KLF7: variants seen among roughly 807,000 people sequenced by gnomAD.
The protein encoded by KLF7 is KLF transcription factor 7.
KLF7 carries 2 observed loss-of-function variants against 27.3 expected under a neutral mutation model. The ratio of observed to expected loss-of-function variants is 0.07; its 90% confidence interval spans 0.03 to 0.23. KLF7 has a LOEUF of 0.23. Ranked by LOEUF, KLF7 falls within the 10% of genes least tolerant of loss-of-function variation. The probability of loss-of-function intolerance (pLI) is 1.00; values close to 1 mark genes in which losing one functional copy is unlikely to be tolerated. For missense variants in KLF7, 221 were observed against 394.1 expected (o/e 0.56, Z 3.72); for synonymous variants, 165 against 162.4 (o/e 1.02, Z -0.12).
rs190918279 is a variant in KLF7, at chr2:207,153,658, A to G, written c.102+11809T>C. Among the ~76,000 whole-genome samples, 356 of 151,392 alleles carry G rather than the reference A, an allele frequency of 2.4e-3. 5 individuals carry two copies. The East Asian group carries it at 0.026, about 11-fold the overall frequency. ...TTTTTCTTAAGTGTAATTCCAGGGG[A>G]AAAAAAAACCTCAGTGAGATATATC... On this transcript the variant is annotated intron_variant, in intron 1 of 3. Transcript: ENST00000309446.
At chr2:207,157,280 G>A (rs138504026) in intron 1 of KLF7, among the ~76,000 whole-genome samples, 25 of 150,838 alleles carry the variant, frequency 1.7e-4, no homozygotes, top group Non-Finnish European at 3.1e-4. Flanking sequence ...AAAGCATCAC[G>A]GGGAAGTAAA....
chr2:207,111,782 A>G (rs1169693623), intron 2 of KLF7, among the ~76,000 whole-genome samples: 1 of 152,170 alleles, frequency 6.6e-6, no homozygotes, highest in East Asian at 1.9e-4. Context: ...AAGCCTCGGA[A>G]GTATGCACTG....
chr2:207,122,460 T>A (rs1487352045), intron 2 of KLF7, among the ~76,000 whole-genome samples: 1 of 152,136 alleles, frequency 6.6e-6, no homozygotes, highest in African/African-American at 2.4e-5. Context: ...ATATTCGAAC[T>A]TCAGGAAAGT....
At chr2:207,125,596 G>A (rs745343453) in intron 1 of KLF7, among the ~76,000 whole-genome samples, 8 of 152,116 alleles carry the variant, frequency 5.3e-5, no homozygotes, top group Non-Finnish European at 8.8e-5. Flanking sequence ...ATCTGTCAAG[G>A]ATTTTATTTT....
chr2:207,102,673 C>G (rs2076794708), intron 2 of KLF7, among the ~76,000 whole-genome samples: 1 of 152,138 alleles, frequency 6.6e-6, no homozygotes, highest in African/African-American at 2.4e-5. Context: ...CTCAAGTTTT[C>G]TGTTAAAATG....
rs1386318504 is a variant in KLF7 at position 207,074,430 on chromosome 2, ACTTTT to A, written c.*6778_*6782del. 3 of 151,848 alleles carry A rather than the reference ACTTTT, an allele frequency of 2.0e-5. No homozygotes were observed. The highest frequency in any genetic ancestry group is 1.3e-4 in the Admixed American group (2 of 15,266). 9.4% of individuals were successfully genotyped at this position (151,848 alleles called of 1,614,324 possible). On this transcript the variant is annotated 3_prime_UTR_variant, in exon 4 of 4. Transcript: ENST00000309446. ...AGTCGTGTGTGGCAGAGATTTTAGT[ACTTTT>A]CTTTTCAGTTCTGAGAATTTTCCCT...
At chr2:207,136,591 G>C (rs2077795749) in intron 1 of KLF7, among the ~76,000 whole-genome samples, 1 of 152,122 alleles carries the variant, frequency 6.6e-6, no homozygotes, top group Non-Finnish European at 1.5e-5. Context: ...AACTTACCAA[G>C]TCCTGGAAAG....
chr2:207,166,213 A>C, upstream of KLF7: 3 of 981,556 alleles, frequency 3.1e-6, no homozygotes, highest in Non-Finnish European at 3.6e-6. Flanking sequence ...CAGGGGGCTC[A>C]TGAAGTCACT....
intron 1 of KLF7, among the ~76,000 whole-genome samples, chr2:207,132,697 T>C (rs1022633256): frequency 7.2e-5 from 11 of 152,244 alleles, no homozygotes; most frequent in Non-Finnish European, 1.5e-4. Context: ...CCAAAACAAC[T>C]CAAATCTAAA....
chr2:207,122,376 G>A (rs754824008), intron 2 of KLF7, among the ~76,000 whole-genome samples: 1 of 152,152 alleles, frequency 6.6e-6, no homozygotes, highest in Non-Finnish European at 1.5e-5. Context: ...GTGCAAGGAA[G>A]CAATGTCAGT....
Position 207,132,513 on chromosome 2 carries a change from C to G in KLF7, c.103-8109G>C, listed in dbSNP as rs548774505. ...GAAAATATTTGTTTGCATATGTTTC[C>G]TTGGGGAGGTGGGTGGTGAGGATGT... On this transcript the variant is annotated intron_variant, in intron 1 of 3. Coordinates refer to ENST00000309446, the MANE Select transcript of KLF7 (RefSeq NM_003709.4). Among the ~76,000 whole-genome samples the G allele has an allele frequency of 7.0e-4, 107 of 152,186 alleles. 1 individual carries two copies. Among genetic ancestry groups the G allele is most frequent in the Non-Finnish European group, 1.2e-3 (83 of 68,008 alleles).
intron 1 of KLF7, among the ~76,000 whole-genome samples, chr2:207,126,738 G>C (rs568896423): frequency 3.3e-5 from 5 of 151,990 alleles, no homozygotes; most frequent in South Asian, 4.2e-4. Flanking sequence ...GGGAGTTCAA[G>C]GTTGCAGTGA....
intron 2 of KLF7, among the ~76,000 whole-genome samples, chr2:207,108,519 C>T (rs2076942158): frequency 6.6e-6 from 1 of 152,202 alleles, no homozygotes; most frequent in Admixed American, 6.5e-5. Context: ...TTCAGCCTTC[C>T]AGGAATTTGT....
Position 207,081,279 on chromosome 2 carries a change from C to T in KLF7, c.858-15G>A, listed in dbSNP as rs1354968488. 2 of 1,608,938 alleles carry T rather than the reference C, an allele frequency of 1.2e-6. No homozygotes were observed. The highest frequency in any genetic ancestry group is 4.5e-5 in the East Asian group (2 of 44,854). On this transcript the variant is annotated splice_polypyrimidine_tract_variant and intron_variant, in intron 3 of 3. Transcript: ENST00000309446. ...TGGAAAAACACCTAGGAGATATAAA[C>T]AACAAGGATATTAGAGAACTCCCAG...
intron 1 of KLF7, among the ~76,000 whole-genome samples, chr2:207,165,125 C>G (rs1187618682): frequency 6.6e-6 from 1 of 151,896 alleles, no homozygotes; most frequent in Non-Finnish European, 1.5e-5. Flanking sequence ...TCCTAACACC[C>G]CAAACCACCT....
In KLF7 at chr2:207,077,986, T is replaced by C. The variant is rs1357814877; in HGVS notation, c.*3227A>G. The C allele has an allele frequency of 6.6e-6, 1 of 152,210 alleles. No individual in the cohort carries two copies. Among genetic ancestry groups the C allele is most frequent in the Non-Finnish European group, 1.5e-5 (1 of 68,036 alleles). The allele number at this position is 152,210 out of a possible 1,614,324, so 9.4% of individuals were successfully genotyped here. ...GGGTTTAATGTGTTTCAAATGTCCA[T>C]TAATGCACTGTTTTAAATAACCAGT... is the stretch of plus-strand genomic sequence containing the variant. On this transcript the variant is annotated 3_prime_UTR_variant, in exon 4 of 4. Coordinates refer to ENST00000309446, the MANE Select transcript of KLF7 (RefSeq NM_003709.4).
intron 1 of KLF7, among the ~76,000 whole-genome samples, chr2:207,148,231 C>G (rs979421942): frequency 2.6e-5 from 4 of 152,116 alleles, no homozygotes. Flanking sequence ...GAAGTTTGAG[C>G]CAAAGGTATG....
At chr2:207,142,582 A>T (rs1333758950) in intron 1 of KLF7, among the ~76,000 whole-genome samples, 1 of 152,206 alleles carries the variant, frequency 6.6e-6, no homozygotes, top group Admixed American at 6.5e-5. Flanking sequence ...CAGAGAAGGA[A>T]CCCACTCACT....
At chr2:207,157,219 T>TGAAA (rs1491268311) in intron 1 of KLF7, among the ~76,000 whole-genome samples, 15 of 87,288 alleles carry the variant, frequency 1.7e-4, no homozygotes, top group South Asian at 1.2e-3. Flanking sequence ...AACAGAAAAG[T>TGAAA]AAAAAAAAAA....
Sources: gnomAD v4.1 joint callset for allele counts (sites outside exome capture counted in the v4.1 genomes callset) on GRCh38, gnomAD v4.1.1 for gene constraint, MANE v1.5 for transcripts, NCBI Gene and HGNC (gene_info 2026-07-23, HGNC 2026-07-21) for gene names.